Variants in ABCA1 observed in about 807,000 individuals in gnomAD.
ABCA1 encodes ATP binding cassette subfamily A member 1, also known as phospholipid-transporting ATPase ABCA1.
In ABCA1, 133 loss-of-function variants were observed where a neutral mutation model predicts 262.5. That is an observed-to-expected ratio of 0.51 (90% CI 0.44 to 0.59). The LOEUF is 0.59. Ranked by LOEUF, ABCA1 falls within the 20% of genes least tolerant of loss-of-function variation. The pLI is 0.00. For missense variants in ABCA1, 2,452 were observed against 2,777.5 expected, an observed-to-expected ratio of 0.88 and a Z score of 2.63; for synonymous variants, 1,022 against 1,043.5, an observed-to-expected ratio of 0.98 and a Z score of 0.40.
chr9:104,823,966 G>C (rs543763895), intron 18 of ABCA1, among the ~76,000 whole-genome samples: 173 of 152,334 alleles, frequency 1.1e-3, no homozygotes, highest in African/African-American at 4.0e-3. Context: ...CCTTTGATGA[G>C]CTGTGGACAT....
chr9:104,847,904 C>T (rs916545084), intron 7 of ABCA1, among the ~76,000 whole-genome samples: 1 of 152,126 alleles, frequency 6.6e-6, no homozygotes, highest in Non-Finnish European at 1.5e-5. Context: ...TATGTTTTTA[C>T]GTATATGTCT....
At chr9:104,820,320 C>G (rs141487857) in intron 20 of ABCA1, among the ~76,000 whole-genome samples, 1 of 152,314 alleles carries the variant, frequency 6.6e-6, no homozygotes, top group Non-Finnish European at 1.5e-5. Flanking sequence ...GGCCTGGCCA[C>G]CATGCACCAG....
chr9:104,874,788 C>T (rs191098995), intron 5 of ABCA1, among the ~76,000 whole-genome samples: 5,716 of 144,492 alleles, frequency 0.04, 175 homozygotes, highest in African/African-American at 0.082. Context: ...GGGGGGCAGC[C>T]CCCGCCCGGC....
intron 18 of ABCA1, among the ~76,000 whole-genome samples, chr9:104,823,907 T>C (rs1369220551): frequency 6.6e-6 from 1 of 152,110 alleles, no homozygotes; most frequent in Non-Finnish European, 1.5e-5. Flanking sequence ...AAGGGACCTA[T>C]TAAATATTTA....
intron 28 of ABCA1, among the ~76,000 whole-genome samples, chr9:104,811,512 T>C (rs1472941862): frequency 6.6e-6 from 1 of 152,112 alleles, no homozygotes; most frequent in Non-Finnish European, 1.5e-5. Context: ...AAAGAATAAA[T>C]ATCCAATTCC....
chr9:104,812,022 G>A (rs1831322787), intron 28 of ABCA1, among the ~76,000 whole-genome samples: 1 of 152,200 alleles, frequency 6.6e-6, no homozygotes, highest in African/African-American at 2.4e-5. Context: ...AAGTTAGCAT[G>A]CAAACACTGA....
At chr9:104,855,609 C>T in intron 7 of ABCA1, 2 of 1,386,798 alleles carry the variant, frequency 1.4e-6, no homozygotes, top group South Asian at 3.2e-5. Context: ...GTGTGCCAGG[C>T]CCCACACCAG....
chr9:104,830,437 C>T (rs1178662224), intron 14 of ABCA1, among the ~76,000 whole-genome samples: 1 of 151,944 alleles, frequency 6.6e-6, no homozygotes, highest in Non-Finnish European at 1.5e-5. Flanking sequence ...CACCTGTAAT[C>T]CCAGCACTTT....
intron 3 of ABCA1, 64 bp downstream of exon 3, chr9:104,889,038 C>G (rs569516534): frequency 7.1e-7 from 1 of 1,409,204 alleles, no homozygotes; most frequent in East Asian, 2.3e-5. Flanking sequence ...CAATTTAGCC[C>G]ACGTTAATTG....
At chr9:104,806,755 C>T (rs1176602149) in intron 30 of ABCA1, among the ~76,000 whole-genome samples, 1 of 152,148 alleles carries the variant, frequency 6.6e-6, no homozygotes, top group African/African-American at 2.4e-5. Context: ...GCATCTACTA[C>T]GTGCCAGATG....
rs371654931 is a variant in ABCA1 at position 104,810,892 on chromosome 9, G to A, written c.4083C>T (p.Ala1361=). 23 of 1,614,230 alleles carry A rather than the reference G, an allele frequency of 1.4e-5. No individual in the cohort carries two copies. The highest frequency in any genetic ancestry group is 1.8e-5 in the Non-Finnish European group (21 of 1,180,042). Residue 1361 remains alanine, a synonymous_variant, in exon 29 of 50, where the codon GCC becomes GCT. Transcript: ENST00000374736. ...GTGGCACGATCAGGCTGAACACAAG[G>A]GCAATGCAGACAAACACAGCTGGCA... The part of the protein sequence containing the change: ...IVLPAVFVCI[A]LVFSLIVPPF...
At chr9:104,914,577 T>C (rs761876407) in intron 1 of ABCA1, among the ~76,000 whole-genome samples, 4 of 151,856 alleles carry the variant, frequency 2.6e-5, no homozygotes, top group African/African-American at 9.7e-5. Flanking sequence ...TCTTCTCTAG[T>C]GTACTAACTC....
chr9:104,887,427 C>T (rs1179568731), intron 3 of ABCA1, among the ~76,000 whole-genome samples: 1 of 151,276 alleles, frequency 6.6e-6, no homozygotes, highest in Non-Finnish European at 1.5e-5. Flanking sequence ...ATCACAACCT[C>T]GGTGAAGGGC....
intron 1 of ABCA1, among the ~76,000 whole-genome samples, chr9:104,923,914 T>C (rs1842283736): frequency 1.3e-5 from 2 of 152,178 alleles, no homozygotes; most frequent in Admixed American, 1.3e-4. Context: ...CAGTGGTGCG[T>C]GCCTGTGGCC....
At position 104,792,847 on chromosome 9, in the gene ABCA1, C is replaced by G. The variant is rs1554700626; in HGVS notation, c.5696G>C (p.Arg1899Thr). ...NDEDEDVRRE[R>T]QRILDGGGQN... The stretch of plus-strand genomic sequence containing the variant: ...GCCTCCACCATCAAGAATTCTCTGT[C>G]TTTCCCGCCTCACATCTTCATCTTC... The change falls in exon 42 of 50, where the codon AGA becomes ACA. Residue 1899 changes from arginine (R) to threonine (T), a missense_variant. Coordinates refer to ENST00000374736, the MANE Select transcript of ABCA1 (RefSeq NM_005502.4). 1 of 1,614,166 alleles carries G rather than the reference C, an allele frequency of 6.2e-7. No homozygotes were observed. Among genetic ancestry groups the G allele is most frequent in the Non-Finnish European group, 8.5e-7 (1 of 1,180,010 alleles).
intron 1 of ABCA1, among the ~76,000 whole-genome samples, chr9:104,914,000 C>T (rs751025731): frequency 3.3e-5 from 5 of 151,600 alleles, no homozygotes; most frequent in Admixed American, 2.0e-4. Context: ...GGGGTTTCGC[C>T]GTGTTAGCCA....
intron 1 of ABCA1, among the ~76,000 whole-genome samples, chr9:104,914,917 C>CA (rs1368201657): frequency 6.6e-6 from 1 of 152,166 alleles, no homozygotes; most frequent in Non-Finnish European, 1.5e-5. Context: ...TCATTAACTT[C>CA]ATGTGAGCTA....
rs572509064 is a variant in ABCA1 at position 104,879,482 on chromosome 9, G to A, written c.421+3557C>T. Among the ~76,000 whole-genome samples the A allele has an allele frequency of 2.6e-4, 39 of 152,310 alleles. No homozygotes were observed. In the East Asian group the frequency reaches 5.0e-3, roughly 20 times the overall value. On this transcript the variant is annotated intron_variant, in intron 5 of 49. Transcript: ENST00000374736. ...GTTGTTTATCACATCTCTAGATGACGAGAAAGGAGTATCAGATATAATACA... is the reference window on the plus strand; with the variant it reads ...GTTGTTTATCACATCTCTAGATGACAAGAAAGGAGTATCAGATATAATACA...
intron 27 of ABCA1, among the ~76,000 whole-genome samples, chr9:104,813,066 G>T (rs1386702462): frequency 6.6e-6 from 1 of 152,186 alleles, no homozygotes; most frequent in East Asian, 1.9e-4. Context: ...TATGAAACAG[G>T]CCATGTACGT....
Sources: gnomAD v4.1 joint callset for allele counts (sites outside exome capture counted in the v4.1 genomes callset) on GRCh38, gnomAD v4.1.1 for gene constraint, MANE v1.5 for transcripts, NCBI Gene and HGNC (gene_info 2026-07-23, HGNC 2026-07-21) for gene names.